TMEM17: variants seen among roughly 807,000 people sequenced by gnomAD.
The protein encoded by TMEM17 is transmembrane protein 17.
A neutral mutation model predicts 19.1 loss-of-function variants in TMEM17; 15 were observed. That is an observed-to-expected ratio of 0.78 (90% CI 0.52 to 1.21). The LOEUF (loss-of-function observed/expected upper bound fraction) is 1.21, where lower values mean the gene tolerates loss of function less well. Ranked by LOEUF, TMEM17 falls within the 50% of genes most tolerant of loss-of-function variation. The probability of loss-of-function intolerance (pLI) is 0.00; values close to 1 mark genes in which losing one functional copy is unlikely to be tolerated. For synonymous variants in TMEM17, 103 were observed against 86.9 expected (o/e 1.19, Z -1.03); for missense variants, 245 against 242.3 (o/e 1.01, Z -0.07).
chr2:62,486,304 C>T, the TMEM17 span, among the ~76,000 whole-genome samples: 1 of 151,830 alleles, frequency 6.6e-6, no homozygotes, highest in East Asian at 1.9e-4. Flanking sequence ...CAGTTTGGCT[C>T]TGATCCACCT....
chr2:62,480,209 GTCT>G, the TMEM17 span, among the ~76,000 whole-genome samples: 1 of 151,992 alleles, frequency 6.6e-6, no homozygotes, highest in East Asian at 1.9e-4. Flanking sequence ...CTATTTGTAA[GTCT>G]TCTTTTGAGA....
At chr2:62,503,783 G>T (rs1476042644) in intron 1 of TMEM17, among the ~76,000 whole-genome samples, 14 of 152,088 alleles carry the variant, frequency 9.2e-5, no homozygotes, top group Admixed American at 8.5e-4. Flanking sequence ...TGCTTTCCAC[G>T]CAGTGAATAT....
intron 1 of TMEM17, among the ~76,000 whole-genome samples, chr2:62,505,554 C>A (rs1573439065): frequency 1.5e-5 from 1 of 67,322 alleles, no homozygotes; most frequent in African/African-American, 5.9e-5. Flanking sequence ...AATTTGTTCC[C>A]TGGGGTGGGG....
chr2:62,471,951 G>T, the TMEM17 span, among the ~76,000 whole-genome samples: 1 of 152,228 alleles, frequency 6.6e-6, no homozygotes, highest in African/African-American at 2.4e-5. Flanking sequence ...TATCTATATT[G>T]GAAGAGCAAG....
chr2:62,485,454 T>C, the TMEM17 span, among the ~76,000 whole-genome samples: 3 of 152,242 alleles, frequency 2.0e-5, no homozygotes, highest in Non-Finnish European at 4.4e-5. Context: ...GAGGAGATGA[T>C]AAAACTTCAA....
chr2:62,498,881 A>G (rs1468105862), downstream of TMEM17, among the ~76,000 whole-genome samples: 4 of 152,134 alleles, frequency 2.6e-5, no homozygotes, highest in Non-Finnish European at 4.4e-5. Flanking sequence ...ATGGATAAAT[A>G]TATTCAAATA....
chr2:62,490,398 G>A, the TMEM17 span, among the ~76,000 whole-genome samples: 3 of 152,026 alleles, frequency 2.0e-5, no homozygotes, highest in East Asian at 5.8e-4. Context: ...TGAATAGCTA[G>A]AACTACCAGC....
chr2:62,458,052 T>C, the TMEM17 span, among the ~76,000 whole-genome samples: 1 of 152,202 alleles, frequency 6.6e-6, no homozygotes, highest in East Asian at 1.9e-4. Flanking sequence ...TTTCTACCTG[T>C]TTCCTCCCCT....
chr2:62,497,743 C>A (rs778141418), downstream of TMEM17, among the ~76,000 whole-genome samples: 2 of 152,198 alleles, frequency 1.3e-5, no homozygotes. Context: ...TGCCTACCCC[C>A]CTCAGACAAT....
rs1410469252 is a variant in TMEM17, at chr2:62,506,085, G to C, written c.45C>G (p.Ser15Arg). ...DPVRQRLGNF[S>R]RAVFSDSNRT... ...GATTGGAATCACTGAACACGGCCCGGCTGAAGTTTCCCAGCCGCTGGCGCA... is the reference window on the plus strand; with the variant it reads ...GATTGGAATCACTGAACACGGCCCGCCTGAAGTTTCCCAGCCGCTGGCGCA... The change falls in exon 1 of 4, where the codon AGC (serine) becomes AGG (arginine). Residue 15 changes from serine to arginine, a missense_variant. Coordinates refer to ENST00000335390, the MANE Select transcript of TMEM17 (RefSeq NM_198276.3). 1 of 1,610,492 alleles carries C rather than the reference G, an allele frequency of 6.2e-7. No homozygotes were observed. The highest frequency in any genetic ancestry group is 8.5e-7 in the Non-Finnish European group (1 of 1,178,794).
the TMEM17 span, among the ~76,000 whole-genome samples, chr2:62,495,113 T>C: frequency 1.3e-5 from 2 of 152,266 alleles, no homozygotes; most frequent in East Asian, 3.8e-4. Flanking sequence ...TACATCTTAC[T>C]AGATTAAAAA....
the TMEM17 span, among the ~76,000 whole-genome samples, chr2:62,454,151 C>G: frequency 2.6e-5 from 4 of 152,172 alleles, no homozygotes; most frequent in Non-Finnish European, 5.9e-5. Context: ...CCTCCTGGCC[C>G]AGCTCCCACA....
Position 62,501,413 on chromosome 2 carries a change from A to T in TMEM17, c.393T>A (p.Asn131Lys). The T allele has an allele frequency of 6.2e-7, 1 of 1,614,238 alleles. No homozygotes were observed. Among genetic ancestry groups the T allele is most frequent in the Non-Finnish European group, 8.5e-7 (1 of 1,180,040 alleles). Residue 131 changes from asparagine (N) to lysine (K), a missense_variant, in exon 4 of 4, where the codon AAT (asparagine) becomes AAA (lysine). Asn to Lys is a moderately conservative substitution (Grantham distance 94, BLOSUM62 0). Transcript: ENST00000335390. ...CCAAGGGCAGATTTGTTAGGCCTTC[A>T]TTAAAGAGCAAGAAAAGAATTAAAG... ...QLPLILFLLF[N>K]EGLTNLPLEK...
the TMEM17 span, among the ~76,000 whole-genome samples, chr2:62,462,253 C>A: frequency 6.6e-6 from 1 of 152,158 alleles, no homozygotes; most frequent in Non-Finnish European, 1.5e-5. Context: ...TCAGGCCACC[C>A]CACCCTCCAC....
At chr2:62,464,868 A>G in the TMEM17 span, among the ~76,000 whole-genome samples, 1 of 151,950 alleles carries the variant, frequency 6.6e-6, no homozygotes, top group Non-Finnish European at 1.5e-5. Flanking sequence ...AGATCAAGTG[A>G]GGCAGTTTAT....
chr2:62,468,842 G>A, the TMEM17 span, among the ~76,000 whole-genome samples: 1 of 152,250 alleles, frequency 6.6e-6, no homozygotes, highest in African/African-American at 2.4e-5. Context: ...GGACTAGCTA[G>A]AGGCATGGTA....
chr2:62,475,386 C>T, the TMEM17 span, among the ~76,000 whole-genome samples: 2 of 152,366 alleles, frequency 1.3e-5, no homozygotes, highest in African/African-American at 4.8e-5. Context: ...GTGCGGCTGT[C>T]CTCTCCAGTG....
chr2:62,469,342 T>A, the TMEM17 span, among the ~76,000 whole-genome samples: 3 of 152,050 alleles, frequency 2.0e-5, no homozygotes, highest in Admixed American at 2.0e-4. Flanking sequence ...GTCACATGTG[T>A]GATCTTGGGG....
At chr2:62,489,887 T>C in the TMEM17 span, among the ~76,000 whole-genome samples, 1 of 152,166 alleles carries the variant, frequency 6.6e-6, no homozygotes, top group Non-Finnish European at 1.5e-5. Context: ...AAATCAACAA[T>C]CAGTCAGCTG....
Sources: gnomAD v4.1 joint callset for allele counts (sites outside exome capture counted in the v4.1 genomes callset) on GRCh38, gnomAD v4.1.1 for gene constraint, MANE v1.5 for transcripts, NCBI Gene and HGNC (gene_info 2026-07-23, HGNC 2026-07-21) for gene names.